The following FAF1 variants were observed in gnomAD, a reference collection of about 807,000 sequenced individuals.
The protein encoded by FAF1 is FAS-associated factor 1.
Under a neutral mutation model 92.5 loss-of-function variants are expected in FAF1, and 25 were observed. That is an observed-to-expected ratio of 0.27 (90% CI 0.20 to 0.38). The LOEUF (loss-of-function observed/expected upper bound fraction) is 0.38. Among genes scored for constraint, FAF1 ranks in the 10% least tolerant of loss-of-function variants. The pLI, the probability that FAF1 is intolerant of heterozygous loss-of-function variation, is 1.00. For missense variants in FAF1, 636 were observed against 793.3 expected, an observed-to-expected ratio of 0.80 and a Z score of 2.38; for synonymous variants, 234 against 273.2, an observed-to-expected ratio of 0.86 and a Z score of 1.42.
intron 1 of FAF1, among the ~76,000 whole-genome samples, chr1:50,953,202 C>G (rs894871133): frequency 1.3e-5 from 2 of 149,514 alleles, no homozygotes; most frequent in African/African-American, 2.5e-5. Context: ...CAGCATGCTC[C>G]TTAAGAGTCA....
At chr1:50,698,542 G>C (rs1569790236) in intron 7 of FAF1, among the ~76,000 whole-genome samples, 1 of 152,044 alleles carries the variant, frequency 6.6e-6, no homozygotes, top group East Asian at 1.9e-4. Flanking sequence ...AAGAAATCTA[G>C]TACCTTTACC....
In FAF1 at chr1:50,604,421, A is replaced by G. The variant is rs188443175; in HGVS notation, c.745-8205T>C. The stretch of plus-strand genomic sequence containing the variant: ...CAGGAAAAGAAACTGAGGTATAGAG[A>G]GGTAAAGTGTTTGTCCCAAGTCTCA... On this transcript the variant is annotated intron_variant, in intron 8 of 18. Coordinates refer to ENST00000396153, the MANE Select transcript of FAF1 (RefSeq NM_007051.3). Among the ~76,000 whole-genome samples, 7 of 152,310 alleles carry G rather than the reference A, an allele frequency of 4.6e-5. No homozygotes were observed. In the East Asian group the frequency reaches 1.4e-3, roughly 29 times the overall value.
intron 15 of FAF1, among the ~76,000 whole-genome samples, chr1:50,535,082 A>G (rs1170763895): frequency 6.6e-6 from 1 of 152,196 alleles, no homozygotes; most frequent in African/African-American, 2.4e-5. Flanking sequence ...AGTTTCTTCT[A>G]TAAACATGCT....
intron 4 of FAF1, among the ~76,000 whole-genome samples, chr1:50,759,551 T>C (rs1239197666): frequency 3.9e-5 from 6 of 152,178 alleles, no homozygotes; most frequent in East Asian, 3.9e-4. Flanking sequence ...CAGTTTATCA[T>C]TGTTGGACAT....
chr1:50,812,321 G>A (rs558267926), intron 2 of FAF1, among the ~76,000 whole-genome samples: 5 of 152,006 alleles, frequency 3.3e-5, no homozygotes, highest in African/African-American at 9.6e-5. Context: ...GAAGATATAC[G>A]TATCCAAAAA....
chr1:50,801,597 A>C (rs1301225666), intron 3 of FAF1, 34 bp downstream of exon 3: 1 of 1,249,648 alleles, frequency 8.0e-7, no homozygotes, highest in Admixed American at 1.7e-5. Flanking sequence ...TGTTCTGCTA[A>C]GTCATCTTAA....
At chr1:50,819,692 C>CATATATATATACGTATATATATACGT (rs1644016166) in intron 2 of FAF1, among the ~76,000 whole-genome samples, 6 of 45,616 alleles carry the variant, frequency 1.3e-4, no homozygotes, top group Non-Finnish European at 2.3e-4. Context: ...TATATATATA[C>CATATATATATACGTATATATATACGT]ATATATATAT....
At chr1:50,958,701 T>C (rs1391829662) in intron 1 of FAF1, among the ~76,000 whole-genome samples, 1 of 151,256 alleles carries the variant, frequency 6.6e-6, no homozygotes, top group Non-Finnish European at 1.5e-5. Flanking sequence ...AATTAATTAA[T>C]TTTAAAAAAA....
chr1:50,842,965 A>T (rs1365789372), intron 2 of FAF1, among the ~76,000 whole-genome samples: 1 of 152,200 alleles, frequency 6.6e-6, no homozygotes, highest in Non-Finnish European at 1.5e-5. Flanking sequence ...CCTGTGCCTA[A>T]AACAGTGCTA....
chr1:50,761,880 G>A (rs1208302101), intron 4 of FAF1, among the ~76,000 whole-genome samples: 1 of 152,100 alleles, frequency 6.6e-6, no homozygotes, highest in African/African-American at 2.4e-5. Context: ...ATTCAATTAG[G>A]AAAAGAGGAA....
intron 1 of FAF1, among the ~76,000 whole-genome samples, chr1:50,888,498 T>C (rs1644689191): frequency 6.6e-6 from 1 of 152,180 alleles, no homozygotes; most frequent in Non-Finnish European, 1.5e-5. Flanking sequence ...TTCAGTATGA[T>C]ATTGGCTGTG....
In FAF1 at chr1:50,788,316, C is replaced by T. The variant is rs561875005; in HGVS notation, c.162-111G>A. 208 of 869,792 alleles carry T rather than the reference C, an allele frequency of 2.4e-4. 2 individuals carry two copies. The South Asian group carries it at 3.2e-3, about 13-fold the overall frequency. 53.9% of individuals were successfully genotyped at this position (869,792 alleles called of 1,614,324 possible). A position where few individuals can be genotyped will look rare whatever the true frequency, so the allele number is the denominator to read the frequency against. ...TTGTTCTTCCTATCAAGTAAGTTTACCTACATGTGTGTCAAGGCCAGACTT... is the reference window on the plus strand; with the variant it reads ...TTGTTCTTCCTATCAAGTAAGTTTATCTACATGTGTGTCAAGGCCAGACTT... On this transcript the variant is annotated intron_variant, in intron 3 of 18. Coordinates refer to ENST00000396153, the MANE Select transcript of FAF1 (RefSeq NM_007051.3).
intron 1 of FAF1, among the ~76,000 whole-genome samples, chr1:50,932,774 G>A (rs1285096579): frequency 6.6e-6 from 1 of 152,204 alleles, no homozygotes; most frequent in East Asian, 1.9e-4. Flanking sequence ...CCTAGCAAAG[G>A]TTCTCCACGA....
intron 7 of FAF1, among the ~76,000 whole-genome samples, chr1:50,684,257 C>CTTTT (rs756495229): frequency 5.2e-5 from 6 of 114,424 alleles, no homozygotes; most frequent in African/African-American, 6.5e-5. Flanking sequence ...TTCCAACAGA[C>CTTTT]TTTTTTTTTT....
intron 1 of FAF1, among the ~76,000 whole-genome samples, chr1:50,901,372 C>T (rs1644794843): frequency 6.6e-6 from 1 of 152,078 alleles, no homozygotes; most frequent in South Asian, 2.1e-4. Context: ...ACTTCAGCTT[C>T]CCCAAAACAC....
intron 13 of FAF1, among the ~76,000 whole-genome samples, chr1:50,556,490 A>G (rs975434000): frequency 6.6e-6 from 1 of 152,130 alleles, no homozygotes; most frequent in Non-Finnish European, 1.5e-5. Flanking sequence ...ACCACTATAC[A>G]GTTCATCCAT....
At chr1:50,777,145 C>T (rs1307483495) in intron 4 of FAF1, among the ~76,000 whole-genome samples, 3 of 151,774 alleles carry the variant, frequency 2.0e-5, no homozygotes, top group African/African-American at 7.3e-5. Context: ...GTCAAGTTGG[C>T]TCACACCTGT....
chr1:50,931,892 A>C (rs1470074021), intron 1 of FAF1, among the ~76,000 whole-genome samples: 1 of 113,576 alleles, frequency 8.8e-6, no homozygotes, highest in African/African-American at 3.7e-5. Flanking sequence ...ATAAATAAAT[A>C]ATAATAATAA....
intron 6 of FAF1, among the ~76,000 whole-genome samples, chr1:50,732,643 T>G (rs1314932244): frequency 2.0e-5 from 3 of 152,208 alleles, no homozygotes; most frequent in Non-Finnish European, 4.4e-5. Context: ...GATGTCTCTT[T>G]GGTAAACAAC....
Sources: allele counts gnomAD v4.1 joint callset (sites outside exome capture counted in the v4.1 genomes callset), GRCh38; gene constraint gnomAD v4.1.1; transcripts MANE v1.5; gene names NCBI Gene and HGNC (gene_info 2026-07-23, HGNC 2026-07-21).